The following SRPK2 variants were observed in gnomAD, a reference collection of about 807,000 sequenced individuals.
SRPK2 encodes the protein SRSF protein kinase 2.
SRPK2 carries 21 observed loss-of-function variants against 90.8 expected under a neutral mutation model. The ratio of observed to expected loss-of-function variants is 0.23; its 90% CI spans 0.16 to 0.33. The LOEUF is 0.33. Among genes scored for constraint, SRPK2 ranks in the 10% least tolerant of loss-of-function variants. The pLI, the probability that SRPK2 is intolerant of heterozygous loss-of-function variation, is 1.00. For missense variants in SRPK2, 620 were observed against 869.0 expected, an observed-to-expected ratio of 0.71 and a Z score of 3.60; for synonymous variants, 288 against 311.1, an observed-to-expected ratio of 0.93 and a Z score of 0.78.
At chr7:105,330,312 G>A (rs995221730) in intron 2 of SRPK2, among the ~76,000 whole-genome samples, 4 of 151,784 alleles carry the variant, frequency 2.6e-5, no homozygotes, top group Admixed American at 2.6e-4. Context: ...ACTCCAGCCT[G>A]GGTGACAGAT....
chr7:105,324,960 C>T (rs1169392252), intron 2 of SRPK2, among the ~76,000 whole-genome samples: 1 of 152,124 alleles, frequency 6.6e-6, no homozygotes, highest in Non-Finnish European at 1.5e-5. Flanking sequence ...TTGTAAAATC[C>T]ACCATGCTAA....
chr7:105,162,668 T>C (rs781555984), intron 6 of SRPK2, among the ~76,000 whole-genome samples: 2 of 152,244 alleles, frequency 1.3e-5, no homozygotes, highest in Non-Finnish European at 2.9e-5. Flanking sequence ...AGAAGTTTCT[T>C]ACTATTTCCC....
rs181323872 is a variant in SRPK2 at position 105,132,698 on chromosome 7, T to C, written c.1752+93A>G. ...GGATGACCCTTACAGTCAGAAAAAC[T>C]GAGGTCGCATGCCTCAGAGAGACTC... On this transcript the variant is annotated intron_variant, in intron 13 of 15. Transcript: ENST00000393651. 184 of 1,010,270 alleles carry C rather than the reference T, an allele frequency of 1.8e-4. No homozygotes were observed. The Admixed American group carries it at 2.1e-3, about 12-fold the overall frequency. 62.6% of individuals were successfully genotyped at this position (1,010,270 alleles called of 1,614,324 possible).
chr7:105,212,787 G>C (rs1324112476), intron 2 of SRPK2, among the ~76,000 whole-genome samples: 1 of 152,194 alleles, frequency 6.6e-6, no homozygotes. Context: ...CTGGAACTCA[G>C]AACTCAGTAC....
At chr7:105,310,960 C>A (rs1811639012) in intron 2 of SRPK2, among the ~76,000 whole-genome samples, 1 of 152,148 alleles carries the variant, frequency 6.6e-6, no homozygotes, top group South Asian at 2.1e-4. Context: ...ACTTTTTACA[C>A]CCTTTCCATC....
chr7:105,143,762 T>A (rs913969839), intron 9 of SRPK2: 2 of 174,442 alleles, frequency 1.1e-5, no homozygotes, highest in Admixed American at 5.6e-5. Flanking sequence ...TGTGTTTGGG[T>A]CTCACATATG....
chr7:105,323,317 A>G (rs1338160192), intron 2 of SRPK2, among the ~76,000 whole-genome samples: 1 of 152,244 alleles, frequency 6.6e-6, no homozygotes, highest in East Asian at 1.9e-4. Flanking sequence ...CAAAATTCAA[A>G]AACAAATGAA....
At chr7:105,385,168 G>C (rs1282643423) in intron 2 of SRPK2, among the ~76,000 whole-genome samples, 3 of 116,140 alleles carry the variant, frequency 2.6e-5, no homozygotes. Flanking sequence ...CACCGCGCCC[G>C]GCATTTTTTT....
intron 2 of SRPK2, among the ~76,000 whole-genome samples, chr7:105,260,223 G>C (rs1804015712): frequency 6.6e-6 from 1 of 152,086 alleles, no homozygotes; most frequent in African/African-American, 2.4e-5. Flanking sequence ...GTGGGCAAAG[G>C]ATATGAACAG....
upstream of SRPK2, among the ~76,000 whole-genome samples, chr7:105,392,310 G>A (rs1325003007): frequency 1.3e-5 from 2 of 152,174 alleles, no homozygotes; most frequent in African/African-American, 4.8e-5. Context: ...TAGACTAAAA[G>A]CCACTGAATT....
chr7:105,372,028 A>G (rs1198832454), intron 2 of SRPK2, among the ~76,000 whole-genome samples: 1 of 151,502 alleles, frequency 6.6e-6, no homozygotes, highest in Non-Finnish European at 1.5e-5. Flanking sequence ...CCAGTTACTC[A>G]GGAGGCTGAG....
chr7:105,165,477 T>C (rs76391465), intron 6 of SRPK2, among the ~76,000 whole-genome samples: 14 of 152,272 alleles, frequency 9.2e-5, no homozygotes, highest in African/African-American at 2.4e-4. Flanking sequence ...GTGCTCTGTG[T>C]CTATCTAAAG....
Position 105,280,947 on chromosome 7 carries a change from C to CAAAAAA in SRPK2, c.72-77168_72-77163dup, listed in dbSNP as rs1158350206. Among the ~76,000 whole-genome samples, 30 of 43,326 alleles carry CAAAAAA rather than the reference C, an allele frequency of 6.9e-4. 2 individuals are homozygous for CAAAAAA. Among genetic ancestry groups the CAAAAAA allele is most frequent in the African/African-American group, 9.3e-4 (8 of 8,636 alleles). 28.4% of individuals were successfully genotyped at this position (43,326 alleles called of 152,430 possible). ...GGGCGACAGAGCGAAGACTCCATCT[C>CAAAAAA]AAAAAAAAAAAAAAAAAAAAAAAAA... is the stretch of plus-strand genomic sequence containing the variant. On this transcript the variant is annotated intron_variant, in intron 2 of 15. Coordinates refer to ENST00000393651, the MANE Select transcript of SRPK2 (RefSeq NM_182692.3).
chr7:105,165,605 A>C (rs1585016439), intron 6 of SRPK2, among the ~76,000 whole-genome samples: 7 of 152,196 alleles, frequency 4.6e-5, no homozygotes, highest in Admixed American at 4.6e-4. Flanking sequence ...TAAATGCACC[A>C]ATCAGCAATC....
chr7:105,127,733 C>T (rs949008207), intron 13 of SRPK2, among the ~76,000 whole-genome samples: 1 of 59,868 alleles, frequency 1.7e-5, no homozygotes, highest in Non-Finnish European at 4.1e-5. Context: ...ACACATTTCC[C>T]TTGCTCACAA....
chr7:105,244,684 C>T (rs1225500298), intron 2 of SRPK2: 1 of 1,137,252 alleles, frequency 8.8e-7, no homozygotes, highest in Admixed American at 2.0e-5. Context: ...CCGTGGGCCT[C>T]AACAAGGGCC....
intron 2 of SRPK2, among the ~76,000 whole-genome samples, chr7:105,231,697 G>A (rs1036138620): frequency 6.6e-6 from 1 of 151,932 alleles, no homozygotes; most frequent in African/African-American, 2.4e-5. Context: ...TATGCTTATT[G>A]GCCCCATGTA....
chr7:105,126,223 G>T, intron 15 of SRPK2, 25 bp downstream of exon 15: 1 of 1,551,328 alleles, frequency 6.4e-7, no homozygotes, highest in Non-Finnish European at 8.9e-7. Flanking sequence ...GCATCGTGGC[G>T]CTTTTCAAAA....
At chr7:105,300,325 T>C (rs1269997643) in intron 2 of SRPK2, among the ~76,000 whole-genome samples, 1 of 151,066 alleles carries the variant, frequency 6.6e-6, no homozygotes, top group Admixed American at 6.6e-5. Context: ...AGAAAACTTG[T>C]GTGACTTGTA....
Sources: gnomAD v4.1 joint callset for allele counts (sites outside exome capture counted in the v4.1 genomes callset) on GRCh38, gnomAD v4.1.1 for gene constraint, MANE v1.5 for transcripts, NCBI Gene and HGNC (gene_info 2026-07-23, HGNC 2026-07-21) for gene names.